EEF1AKMT1: variants seen among roughly 807,000 people sequenced by gnomAD.
EEF1AKMT1 encodes N-6 adenine-specific DNA methyltransferase 2 (putative).
Under a neutral mutation model 21.0 loss-of-function variants are expected in EEF1AKMT1, and 18 were observed. The ratio of observed to expected loss-of-function variants is 0.86; its 90% confidence interval spans 0.59 to 1.27. EEF1AKMT1 has a LOEUF of 1.27. EEF1AKMT1 is among the 50% of genes most tolerant of loss of function. EEF1AKMT1 has a pLI of 0.00. For missense variants in EEF1AKMT1, 246 were observed against 258.6 expected (o/e 0.95, Z 0.33); for synonymous variants, 109 against 94.8 (o/e 1.15, Z -0.87).
chr13:20,737,296 G>A (rs2058831312), intron 3 of EEF1AKMT1, among the ~76,000 whole-genome samples: 1 of 152,030 alleles, frequency 6.6e-6, no homozygotes, highest in Non-Finnish European at 1.5e-5. Context: ...TCTGGGAGGC[G>A]GAGGTTGCAG....
intron 1 of EEF1AKMT1, among the ~76,000 whole-genome samples, chr13:20,767,000 G>C (rs898200229): frequency 1.3e-5 from 2 of 151,960 alleles, no homozygotes; most frequent in Non-Finnish European, 2.9e-5. Flanking sequence ...TCCTCATTCT[G>C]TTGTATAGAT....
Position 20,731,848 on chromosome 13 carries a change from C to G in EEF1AKMT1, c.501G>C (p.Leu167=), listed in dbSNP as rs1272260102. Residue 167 remains leucine (L), a synonymous_variant, in exon 4 of 5, where the codon CTG becomes CTC. Transcript: ENST00000382758. ...ATGAAATGCAGCACCTACCTGTGCACAGCAGAATCTTGCCCCGCGTCAGGT... is the reference window on the plus strand; with the variant it reads ...ATGAAATGCAGCACCTACCTGTGCAGAGCAGAATCTTGCCCCGCGTCAGGT... The part of the protein sequence containing the change: ...VKYLTRGKIL[L]CTGAIMEEQA... The G allele has an allele frequency of 6.2e-7, 1 of 1,613,250 alleles. No individual in the cohort carries two copies. Among genetic ancestry groups the G allele is most frequent in the Admixed American group, 1.7e-5 (1 of 60,004 alleles).
chr13:20,744,608 C>T (rs2058892100), intron 2 of EEF1AKMT1, among the ~76,000 whole-genome samples: 1 of 152,122 alleles, frequency 6.6e-6, no homozygotes, highest in Non-Finnish European at 1.5e-5. Context: ...GAGTAGATTG[C>T]AAAAATTTTC....
intron 1 of EEF1AKMT1, among the ~76,000 whole-genome samples, chr13:20,760,804 T>C (rs1400731500): frequency 6.6e-6 from 1 of 152,228 alleles, no homozygotes; most frequent in African/African-American, 2.4e-5. Flanking sequence ...GTGATATTGG[T>C]ATACTCTCTA....
intron 1 of EEF1AKMT1, among the ~76,000 whole-genome samples, chr13:20,759,448 C>T (rs542129809): frequency 8.0e-4 from 122 of 152,004 alleles, no homozygotes; most frequent in African/African-American, 2.8e-3. Context: ...GGCATGGTGG[C>T]GGGCATCTGT....
chr13:20,762,145 T>C (rs1307640795), intron 1 of EEF1AKMT1, among the ~76,000 whole-genome samples: 1 of 151,808 alleles, frequency 6.6e-6, no homozygotes, highest in Non-Finnish European at 1.5e-5. Flanking sequence ...TCTCCATTTA[T>C]TTAGTTCATC....
chr13:20,730,823 C>A (rs9579938), intron 4 of EEF1AKMT1, among the ~76,000 whole-genome samples: 14,149 of 152,204 alleles, frequency 0.093, 809 homozygotes, highest in Non-Finnish European at 0.13. Flanking sequence ...AGCTGGCCAC[C>A]CCGCAGCCAG....
At chr13:20,759,521 A>C (rs950310849) in intron 1 of EEF1AKMT1, among the ~76,000 whole-genome samples, 2 of 151,968 alleles carry the variant, frequency 1.3e-5, no homozygotes, top group Non-Finnish European at 2.9e-5. Flanking sequence ...CGGAGCTTGC[A>C]GTAAGCCGAG....
intron 2 of EEF1AKMT1, among the ~76,000 whole-genome samples, chr13:20,753,167 G>T (rs1163325830): frequency 6.6e-6 from 1 of 152,002 alleles, no homozygotes; most frequent in African/African-American, 2.4e-5. Context: ...GGAAATTTTT[G>T]GACTTCCTCT....
rs2059077054 is a variant in EEF1AKMT1 at position 20,773,950 on chromosome 13, G to C, written c.-49C>G. ...CGCGCGTGCGCAGTCGCCCAGACTC[G>C]CCGTGTGCAGTGGGAGTGGCTAGCC... is the stretch of plus-strand genomic sequence containing the variant. On this transcript the variant is annotated 5_prime_UTR_variant, in exon 1 of 5. Transcript: ENST00000382758. The C allele has an allele frequency of 6.6e-6, 1 of 152,320 alleles. No individual in the cohort carries two copies. The highest frequency in any genetic ancestry group is 1.5e-5 in the Non-Finnish European group (1 of 68,150). 9.4% of individuals were successfully genotyped at this position (152,320 alleles called of 1,614,324 possible).
At chr13:20,752,406 T>C (rs925962902) in intron 2 of EEF1AKMT1, among the ~76,000 whole-genome samples, 2 of 152,188 alleles carry the variant, frequency 1.3e-5, no homozygotes, top group Non-Finnish European at 2.9e-5. Context: ...GAGATGATCA[T>C]ATAACATTTG....
rs1488446238 is a variant in EEF1AKMT1, at chr13:20,732,051, A to G, written c.298T>C (p.Tyr100His). 2 of 1,614,238 alleles carry G rather than the reference A, an allele frequency of 1.2e-6. No homozygotes were observed. Among genetic ancestry groups the G allele is most frequent in the Non-Finnish European group, 8.5e-7 (1 of 1,180,046 alleles). The stretch of plus-strand genomic sequence containing the variant: ...AATCTTTTGTCATATTCAAAGATGT[A>G]TATCGAAAAGTTTTCTCTGCACAGC... Reference protein sequence around the residue: ...RELCRENFSIYIFEYDKRFAM... With the variant: ...RELCRENFSIHIFEYDKRFAM... The change falls in exon 4 of 5, where the codon TAC becomes CAC. Residue 100 changes from tyrosine to histidine, a missense_variant. Coordinates refer to ENST00000382758, the MANE Select transcript of EEF1AKMT1 (RefSeq NM_001318939.2).
At chr13:20,738,121 A>G (rs1368216891) in intron 2 of EEF1AKMT1, among the ~76,000 whole-genome samples, 1 of 152,148 alleles carries the variant, frequency 6.6e-6, no homozygotes, top group Non-Finnish European at 1.5e-5. Context: ...GAGTTTTGCC[A>G]AAAAAATAAA....
chr13:20,732,210 G>A (rs1595010520), intron 3 of EEF1AKMT1, 89 bp from the exon 4 acceptor site: 1 of 1,371,714 alleles, frequency 7.3e-7, no homozygotes, highest in Non-Finnish European at 9.9e-7. Flanking sequence ...ACATGGGTCC[G>A]AGTGCTCAGA....
At chr13:20,733,969 C>A (rs2058812415) in intron 3 of EEF1AKMT1, among the ~76,000 whole-genome samples, 1 of 152,138 alleles carries the variant, frequency 6.6e-6, no homozygotes, top group South Asian at 2.1e-4. Flanking sequence ...ATAATAGAAC[C>A]CGTGACATCG....
At chr13:20,754,074 ATACT>A (rs981932919) in intron 2 of EEF1AKMT1, among the ~76,000 whole-genome samples, 16 of 152,066 alleles carry the variant, frequency 1.1e-4, no homozygotes, top group African/African-American at 3.6e-4. Flanking sequence ...AGTGGGTTTT[ATACT>A]TTAGTGTATT....
In EEF1AKMT1 at chr13:20,737,735, C is replaced by T; in HGVS notation, c.215G>A (p.Gly72Glu). The T allele has an allele frequency of 1.2e-6, 2 of 1,612,444 alleles. No individual in the cohort carries two copies. Among genetic ancestry groups the T allele is most frequent in the East Asian group, 4.5e-5 (2 of 44,854 alleles). Residue 72 changes from glycine (G) to glutamate (E), a missense_variant, in exon 3 of 5, where the codon GGA (glycine) becomes GAA (glutamate). Physicochemically the swap from Gly to Glu is moderately conservative, Grantham distance 98. Transcript: ENST00000382758. The part of the protein sequence containing the change: ...QLAQEAIAAV[G>E]EGGRIACVSA... The stretch of plus-strand genomic sequence containing the variant: ...ATTTGAATCTCACCTGCCACCTTCT[C>T]CTACAGCTGCAATTGCCTCCTGTGC...
chr13:20,749,887 T>C (rs980009134), intron 2 of EEF1AKMT1, among the ~76,000 whole-genome samples: 1 of 152,196 alleles, frequency 6.6e-6, no homozygotes, highest in African/African-American at 2.4e-5. Flanking sequence ...TCTAGGATGT[T>C]CTTTGTCATC....
At chr13:20,755,749 T>C (rs1369233191) in intron 2 of EEF1AKMT1, among the ~76,000 whole-genome samples, 1 of 152,252 alleles carries the variant, frequency 6.6e-6, no homozygotes, top group Non-Finnish European at 1.5e-5. Flanking sequence ...ATCTTGTCTG[T>C]CAATTTTTAT....
Sources: allele counts gnomAD v4.1 joint callset (sites outside exome capture counted in the v4.1 genomes callset), GRCh38; gene constraint gnomAD v4.1.1; transcripts MANE v1.5; gene names NCBI Gene and HGNC (gene_info 2026-07-23, HGNC 2026-07-21).